MAGT1: variants seen among roughly 807,000 people sequenced by gnomAD.
The protein encoded by MAGT1 is dolichyl-diphosphooligosaccharide--protein glycosyltransferase subunit MAGT1.
In MAGT1, 4 loss-of-function variants were observed where a neutral mutation model predicts 28.4. That is an observed-to-expected ratio of 0.14 (90% CI 0.07 to 0.32). The LOEUF is 0.32. MAGT1 is among the 10% of genes least tolerant of loss of function. The pLI is 1.00. For synonymous variants in MAGT1, 89 were observed against 89.7 expected, an observed-to-expected ratio of 0.99 and a Z score of 0.04; for missense variants, 193 against 264.5, an observed-to-expected ratio of 0.73 and a Z score of 1.88.
intron 3 of MAGT1, among the ~76,000 whole-genome samples, chrX:77,859,941 G>A (rs2076990502): frequency 1.8e-5 from 2 of 111,622 alleles, no homozygotes; most frequent in Non-Finnish European, 3.8e-5. Context: ...ACTTAACAAT[G>A]CAGTAATGTA....
At chrX:77,832,115 C>G (rs897760354) in intron 8 of MAGT1, among the ~76,000 whole-genome samples, 3 of 112,041 alleles carry the variant, frequency 2.7e-5, no homozygotes, top group Non-Finnish European at 5.6e-5. Flanking sequence ...GCTCTCTCCA[C>G]TAATCCCACA....
At chrX:77,845,763 C>T (rs1396581763) in intron 7 of MAGT1, among the ~76,000 whole-genome samples, 1 of 111,733 alleles carries the variant, frequency 8.9e-6, no homozygotes, top group East Asian at 2.8e-4. Context: ...TTGAATTTGG[C>T]CCCCACTCTC....
chrX:77,847,727 C>T (rs2076956210), intron 7 of MAGT1, among the ~76,000 whole-genome samples: 1 of 108,486 alleles, frequency 9.2e-6, no homozygotes, highest in Admixed American at 1.0e-4. Flanking sequence ...TCTCCTGCCT[C>T]CGTCTCCTGA....
intron 1 of MAGT1, among the ~76,000 whole-genome samples, chrX:77,880,300 C>CG (rs1454759268): frequency 9.5e-6 from 1 of 105,208 alleles, no homozygotes; most frequent in Non-Finnish European, 2.0e-5. Flanking sequence ...GAGGCCAAGG[C>CG]GGGCAGATCA....
intron 3 of MAGT1, among the ~76,000 whole-genome samples, chrX:77,865,347 T>C (rs2077005740): frequency 9.0e-6 from 1 of 110,882 alleles, no homozygotes; most frequent in Non-Finnish European, 1.9e-5. Flanking sequence ...TGGAGTGCAG[T>C]GGCGCGATCT....
upstream of MAGT1, chrX:77,895,442 T>G: frequency 8.3e-7 from 1 of 1,203,474 alleles, no homozygotes; most frequent in Non-Finnish European, 1.1e-6. Flanking sequence ...AAGTGAAACT[T>G]TGCTCCGGCT....
intron 7 of MAGT1, among the ~76,000 whole-genome samples, chrX:77,852,024 G>C (rs186372572): frequency 1.1e-4 from 12 of 108,784 alleles, no homozygotes; most frequent in African/African-American, 3.7e-4. Flanking sequence ...TCAGCCTCCT[G>C]AGTAGCAGGG....
At chrX:77,875,214 G>A (rs782292192) in intron 2 of MAGT1, among the ~76,000 whole-genome samples, 1 of 110,530 alleles carries the variant, frequency 9.0e-6, no homozygotes, top group South Asian at 3.9e-4. Flanking sequence ...TTACTTTTAT[G>A]ATGGCTACCA....
At chrX:77,829,984 T>C (rs782482352) in intron 9 of MAGT1, among the ~76,000 whole-genome samples, 4 of 112,239 alleles carry the variant, frequency 3.6e-5, no homozygotes, top group Non-Finnish European at 7.5e-5. Context: ...ATACTAATAT[T>C]GTCCATTATA....
intron 1 of MAGT1, among the ~76,000 whole-genome samples, chrX:77,883,005 T>A (rs1464215666): frequency 9.9e-6 from 1 of 100,719 alleles, no homozygotes; most frequent in African/African-American, 3.6e-5. Flanking sequence ...TTTATATATA[T>A]TTATATATAT....
intron 3 of MAGT1, among the ~76,000 whole-genome samples, chrX:77,862,347 T>C (rs2076996846): frequency 1.8e-5 from 2 of 110,552 alleles, no homozygotes; most frequent in Admixed American, 1.9e-4. Flanking sequence ...AAAACAAAAA[T>C]AGACAAATGG....
intron 7 of MAGT1, among the ~76,000 whole-genome samples, chrX:77,850,781 A>G (rs1318296610): frequency 9.0e-6 from 1 of 111,301 alleles, no homozygotes; most frequent in Admixed American, 9.7e-5. Context: ...TTATATATTT[A>G]AAAGTTTAAG....
At chrX:77,832,260 A>G (rs1253142859) in intron 8 of MAGT1, among the ~76,000 whole-genome samples, 1 of 111,815 alleles carries the variant, frequency 8.9e-6, no homozygotes, top group South Asian at 3.7e-4. Flanking sequence ...CTATAGAGAT[A>G]GGGATGTAGG....
intron 7 of MAGT1, among the ~76,000 whole-genome samples, chrX:77,846,908 C>T (rs1380439353): frequency 2.7e-5 from 3 of 111,936 alleles, no homozygotes; most frequent in Non-Finnish European, 3.8e-5. Context: ...GCAGTCTGTC[C>T]GTTCTCAGAT....
chrX:77,845,472 AT>A (rs1305256334), intron 7 of MAGT1, among the ~76,000 whole-genome samples: 44 of 111,370 alleles, frequency 4.0e-4, no homozygotes, highest in African/African-American at 1.4e-3. Flanking sequence ...TGTGAATTTG[AT>A]CCTGTCATTA....
At chrX:77,847,228 A>C (rs782817767) in intron 7 of MAGT1, among the ~76,000 whole-genome samples, 12 of 112,683 alleles carry the variant, frequency 1.1e-4, no homozygotes, top group Non-Finnish European at 1.5e-4. Context: ...AGGACCCTCC[A>C]AGCCAGGTGT....
At chrX:77,850,486 G>A (rs868917895) in intron 7 of MAGT1, among the ~76,000 whole-genome samples, 530 of 25,449 alleles carry the variant, frequency 0.021, 6 homozygotes, top group African/African-American at 0.11. Context: ...AAAAAAAAAG[G>A]GGGGGGGGGT....
intron 7 of MAGT1, among the ~76,000 whole-genome samples, chrX:77,844,369 A>T (rs782102334): frequency 1.8e-5 from 2 of 111,118 alleles, no homozygotes; most frequent in Admixed American, 1.9e-4. Flanking sequence ...CTAGCGGTCT[A>T]TCAATTTTGT....
At chrX:77,891,805 C>T (rs1347910508) in intron 1 of MAGT1, among the ~76,000 whole-genome samples, 2 of 111,669 alleles carry the variant, frequency 1.8e-5, no homozygotes, top group African/African-American at 6.5e-5. Flanking sequence ...AATAAGTCCA[C>T]GTTCCAATGA....
Sources: allele counts gnomAD v4.1 joint callset (sites outside exome capture counted in the v4.1 genomes callset), GRCh38; gene constraint gnomAD v4.1.1; transcripts MANE v1.5; gene names NCBI Gene and HGNC (gene_info 2026-07-23, HGNC 2026-07-21).